Variants in KHDRBS2 observed in about 807,000 individuals in gnomAD.
KHDRBS2 encodes KH domain-containing, RNA-binding, signal transduction-associated protein 2.
In KHDRBS2, 26 loss-of-function variants were observed where a neutral mutation model predicts 44.3. That is an observed-to-expected ratio of 0.59 (90% CI 0.43 to 0.81). KHDRBS2 has a LOEUF of 0.81. Among genes scored for constraint, KHDRBS2 ranks in the 40% least tolerant of loss-of-function variants. KHDRBS2 has a pLI of 0.00. For missense variants in KHDRBS2, 476 were observed against 433.1 expected, an observed-to-expected ratio of 1.10 and a Z score of -0.88; for synonymous variants, 194 against 151.1, an observed-to-expected ratio of 1.28 and a Z score of -2.08.
At chr6:62,246,102 T>TTATGTATATA (rs1835502432) in intron 1 of KHDRBS2, among the ~76,000 whole-genome samples, 1 of 124,338 alleles carries the variant, frequency 8.0e-6, no homozygotes, top group Non-Finnish European at 1.7e-5. Flanking sequence ...TCAATCAATT[T>TTATGTATATA]TATATATATA....
chr6:61,823,203 G>T (rs1220175314), intron 6 of KHDRBS2, among the ~76,000 whole-genome samples: 2 of 152,014 alleles, frequency 1.3e-5, no homozygotes, highest in Non-Finnish European at 2.9e-5. Context: ...AGGAAGGAGG[G>T]TTGGGGAGAC....
chr6:61,555,014 GT>G, the KHDRBS2 span, among the ~76,000 whole-genome samples: 5 of 151,566 alleles, frequency 3.3e-5, no homozygotes, highest in East Asian at 1.9e-4. Flanking sequence ...TTTCACAGGG[GT>G]TTTTTTTGCA....
chr6:61,573,460 GA>G, the KHDRBS2 span, among the ~76,000 whole-genome samples: 5 of 151,654 alleles, frequency 3.3e-5, no homozygotes, highest in African/African-American at 7.3e-5. Context: ...CACAGAACTA[GA>G]AAAAAAAGAA....
intron 6 of KHDRBS2, among the ~76,000 whole-genome samples, chr6:61,753,046 A>G (rs1777955821): frequency 6.6e-6 from 1 of 152,158 alleles, no homozygotes; most frequent in Non-Finnish European, 1.5e-5. Flanking sequence ...TCCTCACTCT[A>G]TTTGTATCAC....
chr6:61,961,981 T>TATATAC (rs1768844532), intron 4 of KHDRBS2, among the ~76,000 whole-genome samples: 1 of 151,816 alleles, frequency 6.6e-6, no homozygotes, highest in African/African-American at 2.4e-5. Context: ...TGTGGAGATA[T>TATATAC]ATATATATAC....
the KHDRBS2 span, among the ~76,000 whole-genome samples, chr6:61,579,650 T>G: frequency 2.0e-5 from 3 of 152,090 alleles, no homozygotes; most frequent in African/African-American, 4.8e-5. Context: ...AATGCAAAAT[T>G]TGTGTAATTC....
chr6:61,950,098 T>A (rs910864934), intron 4 of KHDRBS2, among the ~76,000 whole-genome samples: 1 of 152,064 alleles, frequency 6.6e-6, no homozygotes, highest in African/African-American at 2.4e-5. Flanking sequence ...TGACTAAAAA[T>A]TCCTGTATGT....
At chr6:61,964,308 G>A (rs1769417217) in intron 4 of KHDRBS2, among the ~76,000 whole-genome samples, 1 of 151,994 alleles carries the variant, frequency 6.6e-6, no homozygotes, top group Admixed American at 6.6e-5. Flanking sequence ...CATTGTAAGA[G>A]GCTATGTTCA....
rs1582549601 is a variant in KHDRBS2, at chr6:61,743,902, A to G, written c.811-11138T>C. Among the ~76,000 whole-genome samples the G allele has an allele frequency of 2.0e-5, 3 of 150,058 alleles. No homozygotes were observed. The East Asian group carries it at 6.0e-4, about 30-fold the overall frequency. ...GTGTTTGGTTTTTTGTCCTTGCGATAGTTTGCTGAGAATGATGGTTTCCAG... is the reference window on the plus strand; with the variant it reads ...GTGTTTGGTTTTTTGTCCTTGCGATGGTTTGCTGAGAATGATGGTTTCCAG... On this transcript the variant is annotated intron_variant, in intron 6 of 8. Coordinates refer to ENST00000281156, the MANE Select transcript of KHDRBS2 (RefSeq NM_152688.4).
At chr6:61,747,625 A>T (rs1253305314) in intron 6 of KHDRBS2, among the ~76,000 whole-genome samples, 4 of 151,758 alleles carry the variant, frequency 2.6e-5, no homozygotes, top group Non-Finnish European at 1.5e-5. Context: ...AGTAATCTTC[A>T]TTTCCATGGT....
chr6:61,773,413 G>T (rs1489831123), intron 6 of KHDRBS2, among the ~76,000 whole-genome samples: 1 of 152,000 alleles, frequency 6.6e-6, no homozygotes, highest in Non-Finnish European at 1.5e-5. Context: ...ATTTTTTCAT[G>T]TGTTTTTTTG....
At position 61,706,953 on chromosome 6, in the gene KHDRBS2, C is replaced by CA. The variant is rs386701899; in HGVS notation, c.894-9701dup. ...TAAAAAACAAAAACAAAAACAAAAA[C>CA]AAAAACAAAACAGTTATAAGTGCTA... On this transcript the variant is annotated intron_variant, in intron 7 of 8. Coordinates refer to ENST00000281156, the MANE Select transcript of KHDRBS2 (RefSeq NM_152688.4). 2.4e-3 allele frequency among the ~76,000 whole-genome samples: 253 copies of CA among 107,592 alleles called. 2 individuals are homozygous for CA. Among genetic ancestry groups the CA allele is most frequent in the Middle Eastern group, 8.2e-3 (2 of 244 alleles). The allele number at this position is 107,592 out of a possible 152,430, so 70.6% of individuals were successfully genotyped here.
chr6:61,986,224 A>C (rs1775029962), intron 3 of KHDRBS2, among the ~76,000 whole-genome samples: 1 of 152,198 alleles, frequency 6.6e-6, no homozygotes, highest in Non-Finnish European at 1.5e-5. Context: ...GGCATACTAT[A>C]AACACTCAAA....
intron 2 of KHDRBS2, among the ~76,000 whole-genome samples, chr6:62,174,335 G>A (rs1820674783): frequency 6.6e-6 from 1 of 151,000 alleles, no homozygotes; most frequent in Non-Finnish European, 1.5e-5. Flanking sequence ...TAGAAATACA[G>A]TTAAACAAAA....
At chr6:61,901,145 C>T (rs1010907348) in intron 5 of KHDRBS2, 99 bp downstream of exon 5, 5 of 1,121,034 alleles carry the variant, frequency 4.5e-6, no homozygotes, top group Middle Eastern at 2.1e-4. Context: ...GTGATTGTGG[C>T]TGATGTTGTT....
the KHDRBS2 span, among the ~76,000 whole-genome samples, chr6:61,544,765 T>C: frequency 1.3e-5 from 2 of 151,670 alleles, no homozygotes; most frequent in African/African-American, 4.8e-5. Context: ...AAATGATGAG[T>C]TTGTGTCCTT....
chr6:61,668,535 G>A, the KHDRBS2 span, among the ~76,000 whole-genome samples: 5 of 150,962 alleles, frequency 3.3e-5, no homozygotes, highest in Non-Finnish European at 5.9e-5. Flanking sequence ...TTTTTTCACT[G>A]TAAAGGGAAT....
intron 2 of KHDRBS2, among the ~76,000 whole-genome samples, chr6:62,109,134 AG>A (rs1804367128): frequency 6.6e-6 from 1 of 151,978 alleles, no homozygotes; most frequent in Admixed American, 6.6e-5. Flanking sequence ...TTGTATAAAA[AG>A]GTTGAACAAG....
chr6:61,820,468 G>T (rs554331267), intron 6 of KHDRBS2, among the ~76,000 whole-genome samples: 171 of 152,062 alleles, frequency 1.1e-3, no homozygotes, highest in Middle Eastern at 0.01. Flanking sequence ...GAAAAGATAG[G>T]TTTGACAGGG....
Sources: allele counts gnomAD v4.1 joint callset (sites outside exome capture counted in the v4.1 genomes callset), GRCh38; gene constraint gnomAD v4.1.1; transcripts MANE v1.5; gene names NCBI Gene and HGNC (gene_info 2026-07-23, HGNC 2026-07-21).